The following MIR2052HG variants were observed in gnomAD, a reference collection of about 807,000 sequenced individuals.
MIR2052HG encodes MIR2052 host gene.
At chr8:74,656,674 C>T (rs1244893553) in intron 2 of MIR2052HG, among the ~76,000 whole-genome samples, 1 of 152,052 alleles carries the variant, frequency 6.6e-6, no homozygotes, top group Non-Finnish European at 1.5e-5. Flanking sequence ...TAACACAGGG[C>T]CATGTGATAG....
At chr8:74,680,404 A>G (rs1809110065) in intron 2 of MIR2052HG, among the ~76,000 whole-genome samples, 1 of 152,164 alleles carries the variant, frequency 6.6e-6, no homozygotes, top group Non-Finnish European at 1.5e-5. Context: ...TGGGTGAAGG[A>G]CATGAACAGA....
intron 2 of MIR2052HG, among the ~76,000 whole-genome samples, chr8:74,650,267 T>C (rs951949318): frequency 4.6e-5 from 7 of 152,206 alleles, no homozygotes; most frequent in African/African-American, 1.4e-4. Flanking sequence ...TGGAATTTCG[T>C]ATAAATAAAA....
intron 2 of MIR2052HG, among the ~76,000 whole-genome samples, chr8:74,642,594 A>G (rs1808650155): frequency 6.6e-6 from 1 of 152,192 alleles, no homozygotes; most frequent in Admixed American, 6.5e-5. Context: ...GACATTTTAT[A>G]TATTTGCTAA....
chr8:74,600,795 C>T (rs527948863), intron 1 of MIR2052HG, among the ~76,000 whole-genome samples: 5 of 152,002 alleles, frequency 3.3e-5, no homozygotes, highest in African/African-American at 1.2e-4. Context: ...AGGATGGTCT[C>T]GATCTCCTGA....
intron 2 of MIR2052HG, among the ~76,000 whole-genome samples, chr8:74,642,178 G>T (rs911884272): frequency 1.3e-5 from 2 of 151,996 alleles, no homozygotes; most frequent in African/African-American, 4.8e-5. Flanking sequence ...AGTTGCTGTT[G>T]GAATTTGCAT....
At chr8:74,603,774 C>T (rs1222963673) in intron 1 of MIR2052HG, 1 of 845,892 alleles carries the variant, frequency 1.2e-6, no homozygotes, top group African/African-American at 1.7e-5. Flanking sequence ...GTTTGACACA[C>T]TCAATGATGG....
intron 2 of MIR2052HG, among the ~76,000 whole-genome samples, chr8:74,619,527 G>A (rs1299395921): frequency 6.6e-6 from 1 of 152,212 alleles, no homozygotes; most frequent in Non-Finnish European, 1.5e-5. Flanking sequence ...TGCTTGGGAG[G>A]CCTCAGGAAA....
At chr8:74,600,440 G>A (rs538288666) in intron 1 of MIR2052HG, among the ~76,000 whole-genome samples, 3 of 151,400 alleles carry the variant, frequency 2.0e-5, no homozygotes, top group South Asian at 2.1e-4. Context: ...AAAATTAGCC[G>A]GGCGTGGTTG....
At position 74,694,596 on chromosome 8, in the gene MIR2052HG, C is replaced by T. The variant is rs150162877; in HGVS notation, n.217-7783C>T. Among the ~76,000 whole-genome samples, 1,359 of 152,114 alleles carry T rather than the reference C, an allele frequency of 8.9e-3. 15 individuals carry two copies. Among genetic ancestry groups the T allele is most frequent in the African/African-American group, 0.031 (1,276 of 41,470 alleles). On this transcript the variant is annotated intron_variant and non_coding_transcript_variant, in intron 2 of 6. Coordinates refer to ENST00000523442, the Ensembl canonical transcript of MIR2052HG. ...TATCAACTTAAATTAAAAAATGTTA[C>T]AGGATATGGATGGAAAAATCTCCAG...
At chr8:74,603,414 C>G in intron 1 of MIR2052HG, 1 of 1,610,052 alleles carries the variant, frequency 6.2e-7, no homozygotes, top group South Asian at 1.1e-5. Context: ...CCACTGGGTT[C>G]GCAATTTTGA....
chr8:74,653,736 A>G, intron 2 of MIR2052HG, among the ~76,000 whole-genome samples: 1 of 152,246 alleles, frequency 6.6e-6, no homozygotes, highest in East Asian at 1.9e-4. Context: ...TTTCAATAGA[A>G]GTAAATACAA....
At position 74,687,271 on chromosome 8, in the gene MIR2052HG, T is replaced by C. The variant is rs181718182; in HGVS notation, n.217-15108T>C. Among the ~76,000 whole-genome samples, 380 of 152,246 alleles carry C rather than the reference T, an allele frequency of 2.5e-3. 4 individuals carry two copies. Among genetic ancestry groups the C allele is most frequent in the Non-Finnish European group, 2.0e-3 (138 of 67,988 alleles). Reference sequence around the variant, plus strand: ...GGAATGTAAAATGGTCTAGCAGTTATGGAAAACAGTATGGAGGTTACTCAA... The same window carrying C: ...GGAATGTAAAATGGTCTAGCAGTTACGGAAAACAGTATGGAGGTTACTCAA... On this transcript the variant is annotated intron_variant and non_coding_transcript_variant, in intron 2 of 6. Coordinates refer to ENST00000523442, the Ensembl canonical transcript of MIR2052HG.
At chr8:74,734,747 A>G (rs1174138337) in intron 4 of MIR2052HG, among the ~76,000 whole-genome samples, 2 of 152,238 alleles carry the variant, frequency 1.3e-5, no homozygotes, top group African/African-American at 4.8e-5. Flanking sequence ...TGTGTGCCAG[A>G]AACAGGAGCC....
chr8:74,602,853 C>CTTTCTTTCT (rs1808033950), intron 1 of MIR2052HG, among the ~76,000 whole-genome samples: 2 of 143,816 alleles, frequency 1.4e-5, no homozygotes, highest in African/African-American at 5.3e-5. Flanking sequence ...TTCTTTCTTT[C>CTTTCTTTCT]TTTCTTTCTT....
chr8:74,616,062 G>A (rs1186350616), intron 2 of MIR2052HG, among the ~76,000 whole-genome samples: 2 of 152,074 alleles, frequency 1.3e-5, no homozygotes, highest in African/African-American at 2.4e-5. Context: ...GAATAGTGCT[G>A]CAATAAACAT....
intron 2 of MIR2052HG, among the ~76,000 whole-genome samples, chr8:74,664,667 G>A (rs1281518205): frequency 2.0e-5 from 3 of 152,008 alleles, no homozygotes; most frequent in South Asian, 2.1e-4. Flanking sequence ...ACAGGTGCCC[G>A]CCACTATGCC....
intron 2 of MIR2052HG, among the ~76,000 whole-genome samples, chr8:74,669,549 A>T (rs957792875): frequency 1.7e-4 from 26 of 152,158 alleles, no homozygotes; most frequent in African/African-American, 6.0e-4. Flanking sequence ...CCTTTCCAAG[A>T]ATCAAATCCA....
At chr8:74,637,135 G>A (rs557857779) in intron 2 of MIR2052HG, among the ~76,000 whole-genome samples, 74 of 152,238 alleles carry the variant, frequency 4.9e-4, no homozygotes, top group African/African-American at 1.6e-3. Context: ...AATTCAGAAA[G>A]GTTTCATAGA....
intron 2 of MIR2052HG, among the ~76,000 whole-genome samples, chr8:74,683,149 T>C (rs114712896): frequency 0.012 from 1,772 of 152,240 alleles, 38 homozygotes; most frequent in African/African-American, 0.04. Context: ...TTGCCAGGTG[T>C]TTTGCTATTA....
Sources: gnomAD v4.1 joint callset for allele counts (sites outside exome capture counted in the v4.1 genomes callset) on GRCh38, gnomAD v4.1.1 for gene constraint, MANE v1.5 for transcripts, NCBI Gene and HGNC (gene_info 2026-07-23, HGNC 2026-07-21) for gene names.